FBN2: variants seen among roughly 807,000 people sequenced by gnomAD.
FBN2 encodes the protein fibrillin 2.
FBN2 carries 105 observed loss-of-function variants against 355.6 expected under a neutral mutation model. The observed-to-expected ratio is 0.30, with a 90% CI of 0.25 to 0.35. FBN2 has a LOEUF of 0.35. Among genes scored for constraint, FBN2 ranks in the 10% least tolerant of loss-of-function variants. The pLI, the probability that FBN2 is intolerant of heterozygous loss-of-function variation, is 1.00. For missense variants in FBN2, 3,280 were observed against 3,758.7 expected (o/e 0.87, Z 3.33); for synonymous variants, 1,350 against 1,301.2 (o/e 1.04, Z -0.81).
intron 7 of FBN2, among the ~76,000 whole-genome samples, chr5:128,411,655 T>A (rs1220609351): frequency 6.6e-6 from 1 of 152,002 alleles, no homozygotes; most frequent in East Asian, 1.9e-4. Context: ...AGGTACAGGG[T>A]AGGGGATATG....
chr5:128,299,657 G>A (rs1241972947), intron 48 of FBN2, among the ~76,000 whole-genome samples: 2 of 152,190 alleles, frequency 1.3e-5, no homozygotes, highest in Non-Finnish European at 2.9e-5. Context: ...TCCCGAGTGA[G>A]GCAATGCCTC....
chr5:128,486,170 C>A (rs548963839), intron 5 of FBN2, among the ~76,000 whole-genome samples: 1 of 152,198 alleles, frequency 6.6e-6, no homozygotes, highest in African/African-American at 2.4e-5. Context: ...TCTTTTTCTT[C>A]TTAGTACTAT....
At chr5:128,390,327 A>C (rs1752479512) in intron 11 of FBN2, among the ~76,000 whole-genome samples, 1 of 152,036 alleles carries the variant, frequency 6.6e-6, no homozygotes, top group African/African-American at 2.4e-5. Flanking sequence ...TTTCAGAGTG[A>C]GTTTGATTCA....
chr5:128,370,389 T>C (rs1163848156), intron 15 of FBN2, among the ~76,000 whole-genome samples: 1 of 152,132 alleles, frequency 6.6e-6, no homozygotes, highest in African/African-American at 2.4e-5. Flanking sequence ...TCCAATAATT[T>C]CTTATGACCT....
At chr5:128,530,532 C>T in intron 3 of FBN2, 63 bp downstream of exon 3, 1 of 1,091,934 alleles carries the variant, frequency 9.2e-7, no homozygotes, top group Non-Finnish European at 1.4e-6. Context: ...ATAGAAGGAC[C>T]TTTAGCATTT....
intron 62 of FBN2, among the ~76,000 whole-genome samples, chr5:128,271,351 C>T (rs1344729399): frequency 6.6e-6 from 1 of 152,138 alleles, no homozygotes; most frequent in African/African-American, 2.4e-5. Flanking sequence ...TAGGCATATG[C>T]TAAGTAAGTC....
intron 7 of FBN2, among the ~76,000 whole-genome samples, chr5:128,419,244 G>A (rs975437585): frequency 1.6e-4 from 25 of 152,262 alleles, no homozygotes; most frequent in Non-Finnish European, 8.8e-5. Flanking sequence ...CACTAAACAC[G>A]TGTCATCTAC....
chr5:128,535,926 T>A (rs1008208739), intron 2 of FBN2, among the ~76,000 whole-genome samples: 1 of 152,094 alleles, frequency 6.6e-6, no homozygotes, highest in Non-Finnish European at 1.5e-5. Flanking sequence ...ATCTAGGTTA[T>A]GTGGTTGTTG....
rs1189938127 is a variant in FBN2 at position 128,289,163 on chromosome 5, C to T, written c.6601G>A (p.Gly2201Ser). 6.2e-7 allele frequency: 1 copy of T among 1,613,980 alleles called. No homozygotes were observed. The highest frequency in any genetic ancestry group is 8.5e-7 in the Non-Finnish European group (1 of 1,179,920). ...DGSFRCECPMGYNLDYTGVRC... is the reference protein window; with the variant it reads ...DGSFRCECPMSYNLDYTGVRC... ...ACTCCAGTGTAGTCAAGGTTGTAGC[C>T]CATTGGACATTCACAGCGAAAAGAT... The change falls in exon 52 of 65, where the codon GGC (glycine) becomes AGC (serine). Residue 2201 changes from glycine to serine, a missense_variant. Gly to Ser is a moderately conservative substitution (Grantham distance 56). Coordinates refer to ENST00000262464, the MANE Select transcript of FBN2 (RefSeq NM_001999.4).
rs375970320 is a variant in FBN2 at position 128,288,704 on chromosome 5, G to A, written c.6638-147C>T. 4.3e-5 allele frequency: 38 copies of A among 891,690 alleles called. 1 individual carries two copies. The South Asian group carries it at 5.0e-4, about 12-fold the overall frequency. 55.2% of individuals were successfully genotyped at this position (891,690 alleles called of 1,614,324 possible). On this transcript the variant is annotated intron_variant, in intron 52 of 64. Coordinates refer to ENST00000262464, the MANE Select transcript of FBN2 (RefSeq NM_001999.4). Reference sequence around the variant, plus strand: ...GCATCCCTTGGGCCTTGGCTGGCTGGCAGCTATGTAGTGCAGAGGGTCTGA... The same window carrying A: ...GCATCCCTTGGGCCTTGGCTGGCTGACAGCTATGTAGTGCAGAGGGTCTGA...
At chr5:128,529,757 G>C (rs1289124987) in intron 3 of FBN2, among the ~76,000 whole-genome samples, 1 of 152,146 alleles carries the variant, frequency 6.6e-6, no homozygotes, top group Non-Finnish European at 1.5e-5. Context: ...GAAATGTTCT[G>C]GTTAAAGTGG....
intron 34 of FBN2, among the ~76,000 whole-genome samples, chr5:128,327,725 G>C (rs1048404629): frequency 6.6e-6 from 1 of 151,654 alleles, no homozygotes; most frequent in South Asian, 2.1e-4. Flanking sequence ...CGCAACCTCC[G>C]CCTCCAGGGT....
intron 7 of FBN2, among the ~76,000 whole-genome samples, chr5:128,423,556 T>G (rs943477414): frequency 1.3e-5 from 2 of 152,122 alleles, no homozygotes; most frequent in Admixed American, 6.6e-5. Context: ...TTATTGCAAC[T>G]CAGGGTGAGA....
At chr5:128,300,473 T>G (rs574050547) in intron 48 of FBN2, among the ~76,000 whole-genome samples, 37 of 152,344 alleles carry the variant, frequency 2.4e-4, no homozygotes, top group Non-Finnish European at 4.3e-4. Context: ...CTAGACACCT[T>G]TAATAGCTGT....
intron 5 of FBN2, among the ~76,000 whole-genome samples, chr5:128,505,753 C>T (rs557153090): frequency 1.3e-5 from 2 of 152,242 alleles, no homozygotes; most frequent in East Asian, 3.9e-4. Flanking sequence ...TTCTTTTGCT[C>T]AGCCTAAATA....
chr5:128,514,894 T>C (rs1325220380), intron 5 of FBN2, among the ~76,000 whole-genome samples: 1 of 152,220 alleles, frequency 6.6e-6, no homozygotes, highest in Non-Finnish European at 1.5e-5. Context: ...ACATTGTTTA[T>C]ACATTTCTTG....
At chr5:128,505,771 G>A (rs1398631543) in intron 5 of FBN2, among the ~76,000 whole-genome samples, 1 of 152,008 alleles carries the variant, frequency 6.6e-6, no homozygotes, top group East Asian at 1.9e-4. Flanking sequence ...ATAATTTAAG[G>A]TTCATCAATA....
At position 128,363,716 on chromosome 5, in the gene FBN2, T is replaced by C. The variant is rs138489398; in HGVS notation, c.2428+884A>G. Among the ~76,000 whole-genome samples, 831 of 152,306 alleles carry C rather than the reference T, an allele frequency of 5.5e-3. 9 individuals are homozygous for C. Among genetic ancestry groups the C allele is most frequent in the African/African-American group, 0.019 (805 of 41,556 alleles). ...AAATCTGGATTTCACTTCTGGAGAA[T>C]AAAAACTAGCATGGTTTGCATGTTG... On this transcript the variant is annotated intron_variant, in intron 18 of 64. Transcript: ENST00000262464.
At chr5:128,507,229 G>A (rs1480890741) in intron 5 of FBN2, among the ~76,000 whole-genome samples, 2 of 151,986 alleles carry the variant, frequency 1.3e-5, no homozygotes, top group Non-Finnish European at 2.9e-5. Flanking sequence ...AAGGTTTTAA[G>A]TTACACATTC....
Sources: gnomAD v4.1 joint callset for allele counts (sites outside exome capture counted in the v4.1 genomes callset) on GRCh38, gnomAD v4.1.1 for gene constraint, MANE v1.5 for transcripts, NCBI Gene and HGNC (gene_info 2026-07-23, HGNC 2026-07-21) for gene names.